The following FRMD4A variants were observed in gnomAD, a reference collection of about 807,000 sequenced individuals.
FRMD4A encodes FERM domain containing 4A, also known as FERM domain-containing protein 4A.
FRMD4A carries 29 observed loss-of-function variants against 129.1 expected under a neutral mutation model. That is an observed-to-expected ratio of 0.22 (90% CI 0.17 to 0.31). FRMD4A has a LOEUF of 0.31. Ranked by LOEUF, FRMD4A falls within the 10% of genes least tolerant of loss-of-function variation. FRMD4A has a pLI of 1.00. For missense variants in FRMD4A, 1,272 were observed against 1,375.8 expected, an observed-to-expected ratio of 0.92 and a Z score of 1.19; for synonymous variants, 634 against 571.6, an observed-to-expected ratio of 1.11 and a Z score of -1.56.
rs10674411 is a variant in FRMD4A at position 14,227,243 on chromosome 10, C to CTTTTTTTTTTT, written c.45+102804_45+102814dup. Among the ~76,000 whole-genome samples, 54 of 64,126 alleles carry CTTTTTTTTTTT rather than the reference C, an allele frequency of 8.4e-4. 11 individuals are homozygous for CTTTTTTTTTTT. Among genetic ancestry groups the CTTTTTTTTTTT allele is most frequent in the Non-Finnish European group, 1.1e-3 (41 of 36,884 alleles). 42.1% of individuals were successfully genotyped at this position (64,126 alleles called of 152,430 possible). On this transcript the variant is annotated intron_variant, in intron 2 of 24. Coordinates refer to ENST00000357447, the MANE Select transcript of FRMD4A (RefSeq NM_018027.5). Reference sequence around the variant, plus strand: ...TCCTCCTCCTCCTTCTCTTCTTCTTCTTTTTTTTTTTTTTTTTTTTTTTTT... The same window carrying CTTTTTTTTTTT: ...TCCTCCTCCTCCTTCTCTTCTTCTTCTTTTTTTTTTTTTTTTTTTTTTTTTTTTTTTTTTTT...
At chr10:14,158,028 A>G (rs1840686606) in intron 2 of FRMD4A, among the ~76,000 whole-genome samples, 1 of 152,224 alleles carries the variant, frequency 6.6e-6, no homozygotes. Context: ...GTGAAGCACC[A>G]GCAATACTAG....
At chr10:14,270,177 C>T (rs1355247275) in intron 2 of FRMD4A, among the ~76,000 whole-genome samples, 3 of 152,184 alleles carry the variant, frequency 2.0e-5, no homozygotes, top group Non-Finnish European at 4.4e-5. Context: ...TGGACTTAGA[C>T]TGAGTTATGT....
intron 15 of FRMD4A, among the ~76,000 whole-genome samples, chr10:13,690,992 G>C (rs1405894400): frequency 6.6e-6 from 1 of 152,072 alleles, no homozygotes; most frequent in Non-Finnish European, 1.5e-5. Flanking sequence ...TTTCATTTGT[G>C]TGTGTGTGTG....
At chr10:13,747,145 G>A (rs1443511632) in intron 9 of FRMD4A, among the ~76,000 whole-genome samples, 3 of 149,500 alleles carry the variant, frequency 2.0e-5, no homozygotes, top group Non-Finnish European at 4.4e-5. Flanking sequence ...CTTCCAAAGT[G>A]AAATTTTAGA....
intron 15 of FRMD4A, among the ~76,000 whole-genome samples, chr10:13,688,557 A>T (rs1162958037): frequency 1.3e-5 from 2 of 152,142 alleles, no homozygotes; most frequent in Non-Finnish European, 2.9e-5. Flanking sequence ...TAAAAAAATT[A>T]AAAAATTTAC....
At chr10:14,047,716 C>T (rs1416916800) in intron 2 of FRMD4A, among the ~76,000 whole-genome samples, 3 of 152,148 alleles carry the variant, frequency 2.0e-5, no homozygotes, top group Non-Finnish European at 4.4e-5. Flanking sequence ...CTTAGAAATA[C>T]TTTCTTTTGA....
chr10:14,190,116 C>T (rs748935883), intron 2 of FRMD4A, among the ~76,000 whole-genome samples: 10 of 152,128 alleles, frequency 6.6e-5, no homozygotes, highest in Admixed American at 2.0e-4. Context: ...ACTAAGAAAA[C>T]GGTTTTGGTT....
rs34059772 is a variant in FRMD4A, at chr10:13,777,791, A to ATTTTTTTTTT, written c.384+5121_384+5130dup. Among the ~76,000 whole-genome samples the ATTTTTTTTTT allele has an allele frequency of 7.3e-4, 63 of 85,982 alleles. 3 individuals are homozygous for ATTTTTTTTTT. In the East Asian group the frequency reaches 0.011, roughly 15 times the overall value. The allele number at this position is 85,982 out of a possible 152,430, so 56.4% of individuals were successfully genotyped here. ...GTCTGCCCAAGTAGGCTTTGGGTCA[A>ATTTTTTTTTT]TTTTTTTTTTTTTTTTTTTTTTTTT... On this transcript the variant is annotated intron_variant, in intron 6 of 24. Coordinates refer to ENST00000357447, the MANE Select transcript of FRMD4A (RefSeq NM_018027.5).
At chr10:13,943,801 CT>C (rs2095311944) in intron 2 of FRMD4A, among the ~76,000 whole-genome samples, 1 of 151,672 alleles carries the variant, frequency 6.6e-6, no homozygotes, top group South Asian at 2.1e-4. Flanking sequence ...CCAAATATTG[CT>C]TATGTCTTTA....
intron 2 of FRMD4A, among the ~76,000 whole-genome samples, chr10:14,134,525 G>A (rs1401983154): frequency 6.6e-6 from 1 of 150,628 alleles, no homozygotes; most frequent in Admixed American, 6.7e-5. Flanking sequence ...ATGGAGGGAT[G>A]GGTGAAAAGA....
At chr10:13,909,718 T>A (rs527757817) in intron 2 of FRMD4A, among the ~76,000 whole-genome samples, 85 of 152,312 alleles carry the variant, frequency 5.6e-4, no homozygotes, top group Non-Finnish European at 1.0e-3. Context: ...TAATAAAAAA[T>A]TTTGAAGAAA....
intron 2 of FRMD4A, among the ~76,000 whole-genome samples, chr10:14,242,702 A>G (rs557478462): frequency 6.6e-6 from 1 of 152,342 alleles, no homozygotes; most frequent in African/African-American, 2.4e-5. Context: ...CTTCGTACAA[A>G]TAATCTGAAA....
intron 6 of FRMD4A, among the ~76,000 whole-genome samples, chr10:13,771,806 G>A (rs1439971967): frequency 1.3e-5 from 2 of 152,044 alleles, no homozygotes; most frequent in Non-Finnish European, 2.9e-5. Context: ...CCAGCTGGGT[G>A]CGGTGGCTCA....
chr10:13,684,969 A>C, intron 15 of FRMD4A: 1 of 984,056 alleles, frequency 1.0e-6, no homozygotes, highest in Non-Finnish European at 1.2e-6. Flanking sequence ...AAATATGAGG[A>C]AAAGGTTAGA....
chr10:13,660,250 C>A (rs1216679403), intron 20 of FRMD4A, 66 bp downstream of exon 20: 1 of 1,007,968 alleles, frequency 9.9e-7, no homozygotes, highest in Non-Finnish European at 1.6e-6. Flanking sequence ...CTACTTGGGA[C>A]GGCCCTTTGA....
intron 2 of FRMD4A, among the ~76,000 whole-genome samples, chr10:13,971,118 G>A (rs1038207773): frequency 6.6e-6 from 1 of 151,996 alleles, no homozygotes; most frequent in Non-Finnish European, 1.5e-5. Context: ...GTGCACACAT[G>A]CACACACGCA....
In FRMD4A at chr10:13,714,039, T is replaced by A. The variant is rs375839649; in HGVS notation, c.760-6926A>T. Among the ~76,000 whole-genome samples, 12 of 2,412 alleles carry A rather than the reference T, an allele frequency of 5.0e-3. 1 individual carries two copies. Among genetic ancestry groups the A allele is most frequent in the African/African-American group, 0.013 (10 of 784 alleles). 1.6% of individuals were successfully genotyped at this position (2,412 alleles called of 152,430 possible). A position where few individuals can be genotyped will look rare whatever the true frequency, so the allele number is the denominator to read the frequency against. ...TATATAAAATATACATATATATATA[T>A]ATATATATATATATATATATAAAAT... On this transcript the variant is annotated intron_variant, in intron 12 of 24. Coordinates refer to ENST00000357447, the MANE Select transcript of FRMD4A (RefSeq NM_018027.5).
chr10:14,224,022 CTTTGAAAAGGGACATACA>C (rs1285639191), intron 2 of FRMD4A, among the ~76,000 whole-genome samples: 2 of 152,170 alleles, frequency 1.3e-5, no homozygotes, highest in Non-Finnish European at 2.9e-5. Flanking sequence ...AAATCACTTC[CTTTGAAAAGGGACATACA>C]TTGTCCATTG....
chr10:14,186,950 G>T (rs1319069814), intron 2 of FRMD4A, among the ~76,000 whole-genome samples: 1 of 137,200 alleles, frequency 7.3e-6, no homozygotes, highest in East Asian at 2.2e-4. Context: ...CTGAGACCTC[G>T]TCTCTGCAAA....
Sources: gnomAD v4.1 joint callset for allele counts (sites outside exome capture counted in the v4.1 genomes callset) on GRCh38, gnomAD v4.1.1 for gene constraint, MANE v1.5 for transcripts, NCBI Gene and HGNC (gene_info 2026-07-23, HGNC 2026-07-21) for gene names.